The following TTC12 variants were observed in gnomAD, a reference collection of about 807,000 sequenced individuals.
TTC12 encodes tetratricopeptide repeat protein 12.
A neutral mutation model predicts 90.1 loss-of-function variants in TTC12; 70 were observed. The ratio of observed to expected loss-of-function variants is 0.78; its 90% CI spans 0.64 to 0.95. The LOEUF is 0.95. TTC12 is among the 40% of genes least tolerant of loss of function. The pLI is 0.00. For synonymous variants in TTC12, 296 were observed against 311.5 expected, an observed-to-expected ratio of 0.95 and a Z score of 0.53; for missense variants, 819 against 846.1, an observed-to-expected ratio of 0.97 and a Z score of 0.40.
At chr11:113,357,087 C>T (rs1214523255) in intron 16 of TTC12, among the ~76,000 whole-genome samples, 1 of 152,194 alleles carries the variant, frequency 6.6e-6, no homozygotes, top group Non-Finnish European at 1.5e-5. Flanking sequence ...GGGCTCTTTA[C>T]ATAATTCTAT....
downstream of TTC12, chr11:113,368,689 GGGCT>G (rs1591235285): frequency 1.6e-6 from 1 of 611,760 alleles, no homozygotes; most frequent in Non-Finnish European, 2.9e-6. Flanking sequence ...CAATAGGAAG[GGGCT>G]GAGATGCTGC....
At chr11:113,363,160 A>G (rs1555155913) in intron 19 of TTC12, among the ~76,000 whole-genome samples, 1 of 152,204 alleles carries the variant, frequency 6.6e-6, no homozygotes, top group African/African-American at 2.4e-5. Flanking sequence ...GGCGCAGGGA[A>G]GCATGCTCTG....
intron 13 of TTC12, among the ~76,000 whole-genome samples, chr11:113,345,781 A>G (rs1948916537): frequency 6.6e-6 from 1 of 151,824 alleles, no homozygotes; most frequent in African/African-American, 2.4e-5. Flanking sequence ...TTTTTTTAAT[A>G]TTGTTTTTGT....
At position 113,328,983 on chromosome 11, in the gene TTC12, G is replaced by A. The variant is rs116603066; in HGVS notation, c.445-937G>A. 3.2e-3 allele frequency among the ~76,000 whole-genome samples: 490 copies of A among 152,196 alleles called. 4 individuals are homozygous for A. The highest frequency in any genetic ancestry group is 0.011 in the African/African-American group (465 of 41,524). Reference sequence around the variant, plus strand: ...CTCCTCTTCATTTCTTTTTATTGCTGAATAATTTTCCATTGTGTGGATATA... The same window carrying A: ...CTCCTCTTCATTTCTTTTTATTGCTAAATAATTTTCCATTGTGTGGATATA... On this transcript the variant is annotated intron_variant, in intron 6 of 21. Coordinates refer to ENST00000529221, the MANE Select transcript of TTC12 (RefSeq NM_017868.4).
chr11:113,366,354 G>T lies in TTC12; in HGVS notation c.*54G>T, dbSNP rs1209801718. 3.1e-6 allele frequency: 5 copies of T among 1,607,820 alleles called. No individual in the cohort carries two copies. In the African/African-American group the frequency reaches 5.3e-5, roughly 17 times the overall value. ...AACACACAGATGCACACCGTGTGTT[G>T]TTCCTATGCTAATAAAGACCTTTGA... is the stretch of plus-strand genomic sequence containing the variant. On this transcript the variant is annotated 3_prime_UTR_variant, in exon 22 of 22. Transcript: ENST00000529221.
intron 8 of TTC12, among the ~76,000 whole-genome samples, chr11:113,336,630 A>AT (rs1948384333): frequency 2.0e-5 from 3 of 152,240 alleles, no homozygotes; most frequent in African/African-American, 7.2e-5. Context: ...CCATTGAGTG[A>AT]TTTTGGCACC....
In TTC12 at chr11:113,339,581, T is replaced by C. The variant is rs534729711; in HGVS notation, c.826+107T>C. The C allele has an allele frequency of 3.3e-5, 35 of 1,056,022 alleles. 1 individual carries two copies. In the South Asian group the frequency reaches 5.2e-4, roughly 16 times the overall value. 65.4% of individuals were successfully genotyped at this position (1,056,022 alleles called of 1,614,324 possible). A position where few individuals can be genotyped will look rare whatever the true frequency, so the allele number is the denominator to read the frequency against. The stretch of plus-strand genomic sequence containing the variant: ...AATCCCTCCCTTCCTTCCACAAATA[T>C]TGATTAAAGATATACGCTAATGTAG... On this transcript the variant is annotated intron_variant, in intron 10 of 21. Coordinates refer to ENST00000529221, the MANE Select transcript of TTC12 (RefSeq NM_017868.4).
intron 8 of TTC12, among the ~76,000 whole-genome samples, 189 bp from the exon 9 acceptor site, chr11:113,338,585 C>G (rs762498508): frequency 4.0e-5 from 6 of 151,356 alleles, no homozygotes; most frequent in Non-Finnish European, 8.9e-5. Flanking sequence ...TTCCTGTTGC[C>G]CCCTAGAACT....
At chr11:113,332,164 T>C (rs1035559778) in intron 7 of TTC12, among the ~76,000 whole-genome samples, 1 of 152,250 alleles carries the variant, frequency 6.6e-6, no homozygotes, top group African/African-American at 2.4e-5. Context: ...CAGAATCATT[T>C]CTTTCTCAGC....
At chr11:113,368,644 G>A (rs78349232), downstream of TTC12, 5,850 of 758,612 alleles carry the variant, frequency 7.7e-3, 243 homozygotes, top group African/African-American at 0.089. Flanking sequence ...CCAGTGCGCC[G>A]CAAGGTGGGA....
Position 113,329,938 on chromosome 11 carries a change from G to T in TTC12, c.463G>T (p.Asp155Tyr). The T allele has an allele frequency of 6.2e-7, 1 of 1,613,782 alleles. No homozygotes were observed. The highest frequency in any genetic ancestry group is 8.5e-7 in the Non-Finnish European group (1 of 1,179,638). The change falls in exon 7 of 22, where the codon GAC becomes TAC. Residue 155 changes from aspartate to tyrosine, a missense_variant. Physicochemically the swap from Asp to Tyr is radical, Grantham distance 160 (BLOSUM62 -3). Transcript: ENST00000529221. ...NRAQAYMKLE[D>Y]YEKALVDCEW... The stretch of plus-strand genomic sequence containing the variant: ...ATTACAGGCTTATATGAAACTTGAG[G>T]ACTATGAGAAGGCACTGGTGGATTG...
intron 16 of TTC12, among the ~76,000 whole-genome samples, chr11:113,358,604 C>T (rs1397973755): frequency 6.7e-6 from 1 of 150,138 alleles, no homozygotes; most frequent in African/African-American, 2.5e-5. Context: ...GCTAAAGTCT[C>T]CTGTGGGAGC....
chr11:113,321,104 C>T (rs1555138220), intron 2 of TTC12, among the ~76,000 whole-genome samples: 1 of 152,134 alleles, frequency 6.6e-6, no homozygotes, highest in Non-Finnish European at 1.5e-5. Flanking sequence ...TAGGAGTAGG[C>T]TCTTCGTAGA....
intron 3 of TTC12, 102 bp from the exon 4 acceptor site, chr11:113,323,892 C>A: frequency 2.3e-6 from 2 of 879,962 alleles, no homozygotes; most frequent in African/African-American, 1.7e-5. Context: ...AAAGAAATGA[C>A]CTCTTGTTTG....
intron 20 of TTC12, 107 bp from the exon 21 acceptor site, chr11:113,364,728 G>A: frequency 2.4e-6 from 2 of 825,062 alleles, no homozygotes; most frequent in South Asian, 3.1e-5. Context: ...GAGTTACTGG[G>A]GAAGCTCGGT....
intron 16 of TTC12, among the ~76,000 whole-genome samples, chr11:113,353,418 G>A (rs1235260389): frequency 6.6e-6 from 1 of 152,108 alleles, no homozygotes; most frequent in Non-Finnish European, 1.5e-5. Flanking sequence ...TCTATAGGTT[G>A]TCTGTTCACT....
At chr11:113,360,554 C>T (rs578145433) in intron 18 of TTC12, among the ~76,000 whole-genome samples, 24 of 152,224 alleles carry the variant, frequency 1.6e-4, no homozygotes, top group South Asian at 1.0e-3. Context: ...CTGAGAAAGG[C>T]CTATATGTTA....
chr11:113,329,883 A>G, intron 6 of TTC12, 37 bp from the exon 7 acceptor site: 1 of 1,573,056 alleles, frequency 6.4e-7, no homozygotes. Context: ...CCTGATGCAG[A>G]ATTGTGTGTG....
At chr11:113,361,578 C>G (rs201660260) in intron 18 of TTC12, among the ~76,000 whole-genome samples, 51 of 97,114 alleles carry the variant, frequency 5.3e-4, no homozygotes, top group Non-Finnish European at 8.7e-4. Context: ...TGGCAGGCAT[C>G]TATCCTCCAG....
Sources: allele counts gnomAD v4.1 joint callset (sites outside exome capture counted in the v4.1 genomes callset), GRCh38; gene constraint gnomAD v4.1.1; transcripts MANE v1.5; gene names NCBI Gene and HGNC (gene_info 2026-07-23, HGNC 2026-07-21).